The following ATCAY variants were observed in gnomAD, a reference collection of about 807,000 sequenced individuals.
ATCAY encodes the protein caytaxin.
Under a neutral mutation model 47.7 loss-of-function variants are expected in ATCAY, and 22 were observed. That is an observed-to-expected ratio of 0.46 (90% confidence interval 0.33 to 0.66). The LOEUF (loss-of-function observed/expected upper bound fraction) is 0.66. ATCAY is among the 30% of genes least tolerant of loss of function. The pLI is 0.02. For missense variants in ATCAY, 452 were observed against 515.0 expected, an observed-to-expected ratio of 0.88 and a Z score of 1.18; for synonymous variants, 216 against 207.6, an observed-to-expected ratio of 1.04 and a Z score of -0.35.
chr19:3,886,628 C>A (rs1240884956), intron 2 of ATCAY, among the ~76,000 whole-genome samples: 1 of 150,776 alleles, frequency 6.6e-6, no homozygotes, highest in Non-Finnish European at 1.5e-5. Flanking sequence ...TGGTGTCATG[C>A]GCCTATAATT....
chr19:3,884,286 C>CTAAATAAATAAATAAATAAA lies in ATCAY; in HGVS notation c.-41-1436_-41-1417dup, dbSNP rs113861636. On this transcript the variant is annotated intron_variant, in intron 1 of 12. Transcript: ENST00000450849. The stretch of plus-strand genomic sequence containing the variant: ...TGGGCGACAGAGCAAGACCCCGTCT[C>CTAAATAAATAAATAAATAAA]TAAATAAATAAATAAATAAATAAAG... Among the ~76,000 whole-genome samples the CTAAATAAATAAATAAATAAA allele has an allele frequency of 2.0e-3, 300 of 151,596 alleles. 4 individuals carry two copies. Among genetic ancestry groups the CTAAATAAATAAATAAATAAA allele is most frequent in the African/African-American group, 6.8e-3 (279 of 41,078 alleles).
chr19:3,921,046 C>T (rs2039014175), intron 12 of ATCAY, among the ~76,000 whole-genome samples: 1 of 152,090 alleles, frequency 6.6e-6, no homozygotes, highest in Admixed American at 6.6e-5. Flanking sequence ...CAGGGGGGCA[C>T]CATTACCTAG....
At chr19:3,912,886 T>TGA (rs1555769143) in intron 8 of ATCAY, among the ~76,000 whole-genome samples, 1 of 145,582 alleles carries the variant, frequency 6.9e-6, no homozygotes, top group African/African-American at 2.5e-5. Context: ...CTCTGTCTCT[T>TGA]AAAAAAAAAA....
chr19:3,919,315 C>T (rs942995793), intron 11 of ATCAY, among the ~76,000 whole-genome samples: 3 of 150,794 alleles, frequency 2.0e-5, no homozygotes, highest in African/African-American at 7.3e-5. Flanking sequence ...AATTATCGGC[C>T]GGGTGTGGTG....
chr19:3,887,401 C>T (rs1037279808), intron 2 of ATCAY, among the ~76,000 whole-genome samples: 9 of 151,806 alleles, frequency 5.9e-5, no homozygotes, highest in Admixed American at 1.3e-4. Flanking sequence ...GAGGTTGCAG[C>T]GAGCCATGAT....
chr19:3,894,168 C>A (rs1022041457), intron 2 of ATCAY, among the ~76,000 whole-genome samples: 7 of 151,928 alleles, frequency 4.6e-5, no homozygotes, highest in African/African-American at 1.7e-4. Flanking sequence ...GCCTGCAAGA[C>A]CCCATCTGCA....
intron 11 of ATCAY, 73 bp downstream of exon 11, chr19:3,918,950 G>C (rs2038992381): frequency 1.3e-6 from 2 of 1,563,626 alleles, no homozygotes; most frequent in Admixed American, 3.4e-5. Flanking sequence ...GGGGAGGCTA[G>C]AGAGGAAGAT....
At chr19:3,914,660 A>G (rs1379895245) in intron 9 of ATCAY, among the ~76,000 whole-genome samples, 1 of 151,952 alleles carries the variant, frequency 6.6e-6, no homozygotes, top group African/African-American at 2.4e-5. Flanking sequence ...GTCTCTCCTA[A>G]AAATACAAAA....
intron 2 of ATCAY, among the ~76,000 whole-genome samples, chr19:3,895,738 A>G (rs1270516027): frequency 3.9e-5 from 4 of 101,740 alleles, no homozygotes; most frequent in Non-Finnish European, 7.9e-5. Context: ...TTTTTTTGAT[A>G]GACTCTTGCT....
chr19:3,908,741 TCCCCCTCTTCCCCTTCCCTCTCCTCCTC>T (rs1417454114), intron 6 of ATCAY, among the ~76,000 whole-genome samples: 3 of 86,332 alleles, frequency 3.5e-5, no homozygotes, highest in African/African-American at 1.4e-4. Context: ...CCTCTCCTCC[TCCCCCTCTTCCCCTTCCCTCTCCTCCTC>T]CCCCCTCTTC....
intron 12 of ATCAY, 99 bp downstream of exon 12, chr19:3,920,897 C>A: frequency 1.4e-6 from 2 of 1,421,456 alleles, no homozygotes; most frequent in Non-Finnish European, 2.0e-6. Context: ...ATCAAACCAG[C>A]TGCCAGCAAA....
intron 9 of ATCAY, among the ~76,000 whole-genome samples, chr19:3,916,600 T>C (rs1350594250): frequency 6.6e-6 from 1 of 152,152 alleles, no homozygotes; most frequent in Non-Finnish European, 1.5e-5. Flanking sequence ...TTCAAGCAAC[T>C]CTCCTGCCTC....
At chr19:3,919,065 G>T (rs2038993311) in intron 11 of ATCAY, among the ~76,000 whole-genome samples, 188 bp downstream of exon 11, 1 of 150,816 alleles carries the variant, frequency 6.6e-6, no homozygotes, top group African/African-American at 2.4e-5. Flanking sequence ...ATCACATGAG[G>T]TCAGGAGTTC....
rs190773137 is a variant in ATCAY at position 3,909,478 on chromosome 19, G to A, written c.648-8G>A. 8 of 1,612,062 alleles carry A rather than the reference G, an allele frequency of 5.0e-6. No homozygotes were observed. The highest frequency in any genetic ancestry group is 2.7e-5 in the African/African-American group (2 of 74,988). ...GTTGGGTCCCTGCCTTCTGTGCCCC[G>A]TGAGCAGGTACGTCATCAGCAGCTT... On this transcript the variant is annotated splice_region_variant and splice_polypyrimidine_tract_variant and intron_variant, in intron 6 of 12. Coordinates refer to ENST00000450849, the MANE Select transcript of ATCAY (RefSeq NM_033064.5).
rs10424766 is a variant in ATCAY at position 3,895,504 on chromosome 19, C to T, written c.78-6983C>T. ...TGCTGGGATTACAGGTGTGAGCCAC[C>T]GCGCCTGGCCCCCATTTTAGTCATG... On this transcript the variant is annotated intron_variant, in intron 2 of 12. Transcript: ENST00000450849. Among the ~76,000 whole-genome samples, 1,372 of 152,016 alleles carry T rather than the reference C, an allele frequency of 9.0e-3. 15 individuals carry two copies. Among genetic ancestry groups the T allele is most frequent in the African/African-American group, 0.031 (1,295 of 41,482 alleles).
chr19:3,907,728 T>C lies in ATCAY; in HGVS notation c.359-6T>C. ...GTCCATGCGACTCTCCGCCACCTGC[T>C]TCTAGACGACACCCCCGTGGCCACC... is the stretch of plus-strand genomic sequence containing the variant. On this transcript the variant is annotated splice_region_variant and splice_polypyrimidine_tract_variant and intron_variant, in intron 4 of 12. Transcript: ENST00000450849. The surrounding 1 kb of genome is among the most constrained non-coding windows in gnomAD (Gnocchi z 5.1). 1 of 1,613,844 alleles carries C rather than the reference T, an allele frequency of 6.2e-7. No individual in the cohort carries two copies. Among genetic ancestry groups the C allele is most frequent in the Non-Finnish European group, 8.5e-7 (1 of 1,179,840 alleles).
At chr19:3,904,635 T>TACACAC (rs58093726) in intron 3 of ATCAY, among the ~76,000 whole-genome samples, 2 of 149,138 alleles carry the variant, frequency 1.3e-5, no homozygotes, top group Non-Finnish European at 3.0e-5. Context: ...AAAATATGTA[T>TACACAC]ACACACACAC....
intron 2 of ATCAY, among the ~76,000 whole-genome samples, chr19:3,886,246 C>A (rs929834190): frequency 2.0e-5 from 3 of 151,282 alleles, no homozygotes; most frequent in African/African-American, 7.3e-5. Context: ...GTCAGGAGTT[C>A]GAGACCAGCC....
intron 8 of ATCAY, among the ~76,000 whole-genome samples, chr19:3,911,260 G>C (rs1015201292): frequency 6.6e-6 from 1 of 152,104 alleles, no homozygotes; most frequent in Non-Finnish European, 1.5e-5. Flanking sequence ...CAGCTACTTG[G>C]GAGGCTCACG....
Sources: allele counts gnomAD v4.1 joint callset (sites outside exome capture counted in the v4.1 genomes callset), GRCh38; gene constraint gnomAD v4.1.1; non-coding constraint Gnocchi (gnomAD v3.1); transcripts MANE v1.5; gene names NCBI Gene and HGNC (gene_info 2026-07-23, HGNC 2026-07-21).